Variants in UGT1A8 observed in about 807,000 individuals in gnomAD.
UGT1A8 encodes UDP-glucuronosyltransferase 1A8.
A neutral mutation model predicts 45.3 loss-of-function variants in UGT1A8; 39 were observed. The observed-to-expected ratio is 0.86, with a 90% CI of 0.67 to 1.12. UGT1A8 has a LOEUF of 1.12. Among genes scored for constraint, UGT1A8 ranks in the 50% most tolerant of loss-of-function variants. The pLI is 0.00. For missense variants in UGT1A8, 719 were observed against 664.9 expected, an observed-to-expected ratio of 1.08 and a Z score of -0.90; for synonymous variants, 275 against 249.2, an observed-to-expected ratio of 1.10 and a Z score of -0.97.
Position 233,675,141 on chromosome 2 carries a change from C to A in UGT1A8, c.855+56579C>A, listed in dbSNP as rs114820333. Among the ~76,000 whole-genome samples the A allele has an allele frequency of 1.8e-3, 261 of 145,274 alleles. 3 individuals carry two copies. The highest frequency in any genetic ancestry group is 6.1e-3 in the African/African-American group (245 of 40,434). ...GTAACAAAATCTCCTTGAGGCTATCCAGGGGAATTACATCCAGGGATGTAA... is the reference window on the plus strand; with the variant it reads ...GTAACAAAATCTCCTTGAGGCTATCAAGGGGAATTACATCCAGGGATGTAA... On this transcript the variant is annotated intron_variant, in intron 1 of 4. Coordinates refer to ENST00000373450, the MANE Select transcript of UGT1A8 (RefSeq NM_019076.5).
rs553805330 is a variant in UGT1A8, at chr2:233,754,902, A to C, written c.856-12132A>C. On this transcript the variant is annotated intron_variant, in intron 1 of 4. Coordinates refer to ENST00000373450, the MANE Select transcript of UGT1A8 (RefSeq NM_019076.5). ...TCCCAGGGAGTTCCTCTGACCCCCC[A>C]AAATATTCTCCAGCGGGTTTCCCAA... 31 of 1,352,320 alleles carry C rather than the reference A, an allele frequency of 2.3e-5. No individual in the cohort carries two copies. The East Asian group carries it at 6.4e-4, about 28-fold the overall frequency. 83.8% of individuals were successfully genotyped at this position (1,352,320 alleles called of 1,614,324 possible).
At chr2:233,633,134 C>T (rs1009758843) in intron 1 of UGT1A8, among the ~76,000 whole-genome samples, 2 of 152,142 alleles carry the variant, frequency 1.3e-5, no homozygotes, top group African/African-American at 4.8e-5. Flanking sequence ...GTATGTTGGA[C>T]CAGCCTTGCA....
chr2:233,759,887 T>G (rs1697280307), intron 1 of UGT1A8, among the ~76,000 whole-genome samples: 1 of 152,200 alleles, frequency 6.6e-6, no homozygotes, highest in African/African-American at 2.4e-5. Flanking sequence ...GTTCTTTTCT[T>G]TCTAAAAGGC....
chr2:233,734,671 A>T (rs1355511130), intron 1 of UGT1A8, among the ~76,000 whole-genome samples: 2 of 152,154 alleles, frequency 1.3e-5, no homozygotes, highest in African/African-American at 4.8e-5. Context: ...ATTTCCCTCT[A>T]CACACTGATT....
In UGT1A8 at chr2:233,737,609, G is replaced by A. The variant is rs563155161; in HGVS notation, c.856-29425G>A. Among the ~76,000 whole-genome samples, 4 of 152,288 alleles carry A rather than the reference G, an allele frequency of 2.6e-5. No individual in the cohort carries two copies. In the East Asian group the frequency reaches 7.7e-4, roughly 29 times the overall value. On this transcript the variant is annotated intron_variant, in intron 1 of 4. Transcript: ENST00000373450. Reference sequence around the variant, plus strand: ...ATGAGATGAACCAGGTACCTCAGTTGGAAATGCAGAAATCATCCATCTTCT... The same window carrying A: ...ATGAGATGAACCAGGTACCTCAGTTAGAAATGCAGAAATCATCCATCTTCT...
At chr2:233,751,299 A>G (rs528984436) in intron 1 of UGT1A8, among the ~76,000 whole-genome samples, 1 of 152,078 alleles carries the variant, frequency 6.6e-6, no homozygotes, top group South Asian at 2.1e-4. Context: ...TGGAATGGGA[A>G]TATTTACCCA....
At chr2:233,663,368 A>G (rs1042243176) in intron 1 of UGT1A8, among the ~76,000 whole-genome samples, 1 of 152,188 alleles carries the variant, frequency 6.6e-6, no homozygotes, top group Non-Finnish European at 1.5e-5. Flanking sequence ...CCAGTAATCC[A>G]GGAGTGCTGA....
At chr2:233,680,544 G>T (rs10197460) in intron 1 of UGT1A8, among the ~76,000 whole-genome samples, 51,748 of 151,856 alleles carry the variant, frequency 0.34, 9,226 homozygotes, top group South Asian at 0.41. Flanking sequence ...AATCCCTCAC[G>T]AAATGCTCCT....
chr2:233,676,432 C>T (rs1004172239), intron 1 of UGT1A8, among the ~76,000 whole-genome samples: 14 of 152,216 alleles, frequency 9.2e-5, no homozygotes, highest in Admixed American at 6.5e-5. Context: ...ATTGTTAAAT[C>T]TCATGTTTCT....
At position 233,638,188 on chromosome 2, in the gene UGT1A8, A is replaced by G. The variant is rs574931161; in HGVS notation, c.855+19626A>G. 2.6e-4 allele frequency among the ~76,000 whole-genome samples: 39 copies of G among 152,264 alleles called. 1 individual carries two copies. The highest frequency in any genetic ancestry group is 3.4e-3 in the Middle Eastern group (1 of 294). ...CAGGAACATATATGTCTCACTATTT[A>G]TTCAGATCTTGTTTTATATACATAA... On this transcript the variant is annotated intron_variant, in intron 1 of 4. Coordinates refer to ENST00000373450, the MANE Select transcript of UGT1A8 (RefSeq NM_019076.5).
intron 1 of UGT1A8, among the ~76,000 whole-genome samples, chr2:233,687,032 G>A (rs1469264089): frequency 2.0e-5 from 3 of 152,216 alleles, no homozygotes; most frequent in Non-Finnish European, 2.9e-5. Flanking sequence ...GTTCAATGTA[G>A]TGTTTGAGCA....
intron 1 of UGT1A8, among the ~76,000 whole-genome samples, chr2:233,726,402 T>A (rs1404707610): frequency 6.6e-6 from 1 of 152,206 alleles, no homozygotes; most frequent in Non-Finnish European, 1.5e-5. Flanking sequence ...AGTCTTTTGA[T>A]GTCAGCATTC....
At chr2:233,698,551 A>C (rs2075447544) in intron 1 of UGT1A8, among the ~76,000 whole-genome samples, 2 of 152,272 alleles carry the variant, frequency 1.3e-5, no homozygotes, top group Admixed American at 6.5e-5. Flanking sequence ...AGTGGCCAAC[A>C]AAACTTTAAG....
rs574132609 is a variant in UGT1A8, at chr2:233,741,478, G to A, written c.856-25556G>A. The A allele has an allele frequency of 8.6e-5, 13 of 151,780 alleles. 2 individuals carry two copies. Among genetic ancestry groups the A allele is most frequent in the African/African-American group, 2.4e-4 (10 of 41,054 alleles). The allele number at this position is 151,780 out of a possible 1,614,324, so 9.4% of individuals were successfully genotyped here. A position where few individuals can be genotyped will look rare whatever the true frequency, so the allele number is the denominator to read the frequency against. ...TATCTTCACACATGTAAGTTCCCTCGTCTGATGTACAAAAAACTGAACTCA... is the reference window on the plus strand; with the variant it reads ...TATCTTCACACATGTAAGTTCCCTCATCTGATGTACAAAAAACTGAACTCA... On this transcript the variant is annotated intron_variant, in intron 1 of 4. Transcript: ENST00000373450.
In UGT1A8 at chr2:233,643,761, G is replaced by T. The variant is rs28969986; in HGVS notation, c.855+25199G>T. ...GTTCCAAGGTCTCTTCAGTTAGCAG[G>T]CGATGAACGCTGGCAGGACTGGGCC... On this transcript the variant is annotated intron_variant, in intron 1 of 4. Coordinates refer to ENST00000373450, the MANE Select transcript of UGT1A8 (RefSeq NM_019076.5). Among the ~76,000 whole-genome samples the T allele has an allele frequency of 8.3e-3, 1,258 of 152,214 alleles. 22 individuals are homozygous for T. The highest frequency in any genetic ancestry group is 0.028 in the African/African-American group (1,173 of 41,544).
intron 1 of UGT1A8, among the ~76,000 whole-genome samples, chr2:233,739,441 A>G (rs1691102531): frequency 6.6e-6 from 1 of 152,220 alleles, no homozygotes. Context: ...TTTACCCTGC[A>G]AAGCCACAGG....
Position 233,693,540 on chromosome 2 carries a change from A to G in UGT1A8, c.856-73494A>G, listed in dbSNP as rs771085837. The G allele has an allele frequency of 3.7e-6, 6 of 1,614,004 alleles. No individual in the cohort carries two copies. In the South Asian group the frequency reaches 6.6e-5, roughly 18 times the overall value. ...TTCAGGGGTTTTCCGTGTTCCCTGG[A>G]GCATACATTCAGCAGAAGCCCAGAC... On this transcript the variant is annotated intron_variant, in intron 1 of 4. Transcript: ENST00000373450.
At chr2:233,626,353 A>G (rs1287230679) in intron 1 of UGT1A8, among the ~76,000 whole-genome samples, 1 of 151,972 alleles carries the variant, frequency 6.6e-6, no homozygotes, top group African/African-American at 2.4e-5. Flanking sequence ...TTTCTCATCA[A>G]GTAGTGATTG....
chr2:233,713,025 C>G, intron 1 of UGT1A8: 1 of 1,613,852 alleles, frequency 6.2e-7, no homozygotes, highest in Non-Finnish European at 8.5e-7. Context: ...CCTGCCGCAG[C>G]TGGCCACAGG....
Sources: allele counts gnomAD v4.1 joint callset (sites outside exome capture counted in the v4.1 genomes callset), GRCh38; gene constraint gnomAD v4.1.1; transcripts MANE v1.5; gene names NCBI Gene and HGNC (gene_info 2026-07-23, HGNC 2026-07-21).